MTMR8: variants seen among roughly 807,000 people sequenced by gnomAD.
The protein encoded by MTMR8 is myotubularin related protein 8.
A neutral mutation model predicts 39.3 loss-of-function variants in MTMR8; 65 were observed. That is an observed-to-expected ratio of 1.65 (90% CI 1.35 to 2.03). The LOEUF is 2.03. Among genes scored for constraint, MTMR8 ranks in the 30% most tolerant of loss-of-function variants. MTMR8 has a pLI of 0.00. For missense variants in MTMR8, 777 were observed against 538.9 expected, an observed-to-expected ratio of 1.44 and a Z score of -4.37; for synonymous variants, 245 against 185.2, an observed-to-expected ratio of 1.32 and a Z score of -2.62.
At chrX:64,331,836 G>A (rs965031244) in intron 10 of MTMR8, 79 bp from the exon 11 acceptor site, 1 of 838,351 alleles carries the variant, frequency 1.2e-6, no homozygotes, top group African/African-American at 2.0e-5. Context: ...CTGTAAGAGG[G>A]TCATCTTTTG....
rs896197152 is a variant in MTMR8, at chrX:64,376,975, C to T, written c.25-17448G>A. 1.2e-4 allele frequency among the ~76,000 whole-genome samples: 13 copies of T among 111,770 alleles called. No homozygotes were observed. The Admixed American group carries it at 1.2e-3, about 11-fold the overall frequency. ...AGCTCCAGCCATGGCTAAAAGAACC[C>T]CAGATACGTCTCAGGATGCTGCTCC... On this transcript the variant is annotated intron_variant, in intron 1 of 13. Coordinates refer to ENST00000374852, the MANE Select transcript of MTMR8 (RefSeq NM_017677.4).
intron 12 of MTMR8, among the ~76,000 whole-genome samples, chrX:64,312,768 A>C (rs1298926991): frequency 1.8e-5 from 2 of 112,572 alleles, no homozygotes; most frequent in Non-Finnish European, 1.9e-5. Context: ...CATGGGCTGC[A>C]GAATGGATAT....
Position 64,278,459 on chromosome X carries a change from G to GTTTTTTTTTTTTTTTTTTTTTTTTTTTTT in MTMR8, c.1482-7387_1482-7386insAAAAAAAAAAAAAAAAAAAAAAAAAAAAA, listed in dbSNP as rs1931928205. On this transcript the variant is annotated intron_variant, in intron 12 of 13. Transcript: ENST00000374852. Reference sequence around the variant, plus strand: ...TGATGTTGATGCTATTTATTTTGCTGGTTTTTTTTTTTTTTTTTTTTTTTT... The same window carrying GTTTTTTTTTTTTTTTTTTTTTTTTTTTTT: ...TGATGTTGATGCTATTTATTTTGCTGTTTTTTTTTTTTTTTTTTTTTTTTTTTTTGTTTTTTTTTTTTTTTTTTTTTTTT... Among the ~76,000 whole-genome samples, 8 of 49,855 alleles carry GTTTTTTTTTTTTTTTTTTTTTTTTTTTTT rather than the reference G, an allele frequency of 1.6e-4. 2 individuals carry two copies. The highest frequency in any genetic ancestry group is 9.2e-4 in the African/African-American group (8 of 8,740). 43.3% of individuals were successfully genotyped at this position (49,855 alleles called of 115,157 possible).
chrX:64,329,425 G>C (rs1922885327), intron 11 of MTMR8, among the ~76,000 whole-genome samples: 1 of 111,701 alleles, frequency 9.0e-6, no homozygotes, highest in Admixed American at 9.5e-5. Flanking sequence ...GTTTAAGACA[G>C]TGAAAGACAA....
intron 1 of MTMR8, among the ~76,000 whole-genome samples, chrX:64,392,473 C>T (rs894177052): frequency 8.9e-6 from 1 of 111,941 alleles, no homozygotes; most frequent in African/African-American, 3.2e-5. Context: ...TTAAGTACAA[C>T]AAAAGAGTAA....
intron 1 of MTMR8, among the ~76,000 whole-genome samples, chrX:64,361,148 TTATAA>T (rs1441632963): frequency 8.9e-6 from 1 of 111,769 alleles, no homozygotes; most frequent in East Asian, 2.8e-4. Flanking sequence ...ATTGGAAAAC[TTATAA>T]GAACTGTTTT....
intron 12 of MTMR8, among the ~76,000 whole-genome samples, chrX:64,310,093 T>A (rs945612526): frequency 3.0e-4 from 34 of 111,684 alleles, no homozygotes; most frequent in African/African-American, 9.4e-4. Flanking sequence ...TTTCAGGCAT[T>A]TTACCCACAG....
intron 8 of MTMR8, among the ~76,000 whole-genome samples, chrX:64,341,912 T>C (rs2147226096): frequency 8.9e-6 from 1 of 112,140 alleles, no homozygotes; most frequent in South Asian, 3.7e-4. Context: ...ATGTATTGCT[T>C]TTGTAATGAG....
At chrX:64,335,362 C>T (rs1187919450) in intron 10 of MTMR8, among the ~76,000 whole-genome samples, 1 of 111,692 alleles carries the variant, frequency 9.0e-6, no homozygotes, top group East Asian at 2.8e-4. Context: ...GAACTCCTGA[C>T]CTCAGGCGAT....
intron 12 of MTMR8, among the ~76,000 whole-genome samples, chrX:64,275,434 G>A (rs2147126631): frequency 9.1e-6 from 1 of 109,796 alleles, no homozygotes; most frequent in Non-Finnish European, 1.9e-5. Flanking sequence ...AGTGGCTCAC[G>A]TCTATAATCC....
intron 1 of MTMR8, among the ~76,000 whole-genome samples, chrX:64,380,089 C>T (rs781575864): frequency 8.0e-5 from 9 of 112,158 alleles, no homozygotes; most frequent in Non-Finnish European, 1.5e-4. Flanking sequence ...GGCTTAGCCT[C>T]ACAAACACAA....
intron 12 of MTMR8, among the ~76,000 whole-genome samples, chrX:64,289,183 G>A (rs903135526): frequency 9.1e-6 from 1 of 110,198 alleles, no homozygotes; most frequent in Non-Finnish European, 1.9e-5. Flanking sequence ...CACTAATAGA[G>A]AAATGAAAAT....
chrX:64,348,479 G>A (rs1923399806), intron 6 of MTMR8, among the ~76,000 whole-genome samples, 181 bp downstream of exon 6: 1 of 111,625 alleles, frequency 9.0e-6, no homozygotes, highest in Admixed American at 9.5e-5. Flanking sequence ...AACCTCACTT[G>A]ACAGTGGCAA....
chrX:64,319,759 C>T (rs1051092983), intron 12 of MTMR8, among the ~76,000 whole-genome samples: 8 of 110,945 alleles, frequency 7.2e-5, no homozygotes, highest in Non-Finnish European at 1.5e-4. Flanking sequence ...TTCCATTGGT[C>T]TATATCTCTG....
At chrX:64,302,421 G>A (rs1004744986) in intron 12 of MTMR8, among the ~76,000 whole-genome samples, 3 of 112,043 alleles carry the variant, frequency 2.7e-5, no homozygotes, top group Non-Finnish European at 3.8e-5. Flanking sequence ...GCCCTGCTTC[G>A]GCTCGCGGAC....
chrX:64,363,153 C>T (rs904965364), intron 1 of MTMR8, among the ~76,000 whole-genome samples: 2 of 111,437 alleles, frequency 1.8e-5, no homozygotes, highest in African/African-American at 3.3e-5. Flanking sequence ...GGGGACCATT[C>T]GGAAGGGCAA....
At chrX:64,381,178 C>T (rs1258537735) in intron 1 of MTMR8, among the ~76,000 whole-genome samples, 2 of 111,899 alleles carry the variant, frequency 1.8e-5, no homozygotes, top group East Asian at 5.6e-4. Flanking sequence ...ACACTGAATT[C>T]CACAATGGTT....
At chrX:64,370,777 G>C (rs1602152493) in intron 1 of MTMR8, among the ~76,000 whole-genome samples, 1 of 111,685 alleles carries the variant, frequency 9.0e-6, no homozygotes, top group Admixed American at 9.5e-5. Flanking sequence ...AAATTGCCTA[G>C]TGAGGCACTT....
intron 7 of MTMR8, among the ~76,000 whole-genome samples, chrX:64,344,668 T>C (rs1251222876): frequency 1.8e-5 from 2 of 111,619 alleles, no homozygotes; most frequent in African/African-American, 3.3e-5. Context: ...TGAATCCTTA[T>C]ACCAAATTAA....
Sources: allele counts gnomAD v4.1 joint callset (sites outside exome capture counted in the v4.1 genomes callset), GRCh38; gene constraint gnomAD v4.1.1; transcripts MANE v1.5; gene names NCBI Gene and HGNC (gene_info 2026-07-23, HGNC 2026-07-21).